MNAT1: variants seen among roughly 807,000 people sequenced by gnomAD.
The protein encoded by MNAT1 is MNAT1 component of CDK activating kinase, also known as CDK-activating kinase assembly factor MAT1.
Under a neutral mutation model 42.0 loss-of-function variants are expected in MNAT1, and 43 were observed. The ratio of observed to expected loss-of-function variants is 1.02; its 90% CI spans 0.80 to 1.32. The LOEUF is 1.32. Ranked by LOEUF, MNAT1 falls within the 40% of genes most tolerant of loss-of-function variation. The pLI, the probability that MNAT1 is intolerant of heterozygous loss-of-function variation, is 0.00. For synonymous variants in MNAT1, 118 were observed against 120.0 expected (o/e 0.98, Z 0.11); for missense variants, 306 against 350.4 (o/e 0.87, Z 1.01).
chr14:60,910,910 T>G (rs1455026389), intron 7 of MNAT1, among the ~76,000 whole-genome samples: 8 of 152,210 alleles, frequency 5.3e-5, no homozygotes, highest in African/African-American at 1.7e-4. Flanking sequence ...TACCAGCTCC[T>G]CCTTGTACCT....
At chr14:60,779,641 C>T (rs1429916391) in intron 1 of MNAT1, among the ~76,000 whole-genome samples, 1 of 152,006 alleles carries the variant, frequency 6.6e-6, no homozygotes, top group African/African-American at 2.4e-5. Flanking sequence ...AAAAAATTAG[C>T]TGGGTGTGGT....
At chr14:60,930,144 A>G (rs1367883093) in intron 7 of MNAT1, among the ~76,000 whole-genome samples, 1 of 151,244 alleles carries the variant, frequency 6.6e-6, no homozygotes, top group Non-Finnish European at 1.5e-5. Flanking sequence ...TCAATTCCAG[A>G]GTATTTGCTT....
chr14:60,935,269 CT>C (rs1008098833), intron 7 of MNAT1, among the ~76,000 whole-genome samples: 6 of 151,872 alleles, frequency 4.0e-5, no homozygotes, highest in African/African-American at 9.7e-5. Context: ...CTCCCCCTCT[CT>C]TTTTTTTCTT....
intron 7 of MNAT1, among the ~76,000 whole-genome samples, chr14:60,964,038 A>G (rs1196083277): frequency 6.6e-6 from 1 of 152,186 alleles, no homozygotes; most frequent in Admixed American, 6.5e-5. Flanking sequence ...CAGATGGTCA[A>G]TATAGTGCTT....
At chr14:60,910,154 T>C (rs2035314643) in intron 7 of MNAT1, among the ~76,000 whole-genome samples, 1 of 152,234 alleles carries the variant, frequency 6.6e-6, no homozygotes, top group Non-Finnish European at 1.5e-5. Context: ...AGAATGCTTG[T>C]GATTTTTGTA....
rs368637896 is a variant in MNAT1, at chr14:60,868,032, A to G, written c.688-11682A>G. On this transcript the variant is annotated intron_variant, in intron 6 of 7. Coordinates refer to ENST00000261245, the MANE Select transcript of MNAT1 (RefSeq NM_002431.4). ...ATCACCCTATAATGACCAGAACAGC[A>G]TAGTATAAAAATCTCTCTGCTTGCT... is the stretch of plus-strand genomic sequence containing the variant. Among the ~76,000 whole-genome samples, 19 of 152,254 alleles carry G rather than the reference A, an allele frequency of 1.2e-4. No individual in the cohort carries two copies. In the East Asian group the frequency reaches 1.7e-3, roughly 14 times the overall value.
chr14:60,793,743 A>T (rs900184819), intron 1 of MNAT1, among the ~76,000 whole-genome samples: 4 of 152,242 alleles, frequency 2.6e-5, no homozygotes, highest in Admixed American at 2.6e-4. Flanking sequence ...GTGGCCACAC[A>T]AACACTAAAC....
chr14:60,799,154 C>A, intron 3 of MNAT1: 1 of 712,510 alleles, frequency 1.4e-6, no homozygotes, highest in Non-Finnish European at 1.7e-6. Flanking sequence ...ATAGCAAAAG[C>A]ATGTGGAAAA....
intron 7 of MNAT1, among the ~76,000 whole-genome samples, chr14:60,914,614 G>A (rs976268640): frequency 3.3e-5 from 5 of 151,942 alleles, no homozygotes; most frequent in African/African-American, 1.2e-4. Flanking sequence ...GCCTAATAGA[G>A]TCCACTCTGG....
intron 7 of MNAT1, among the ~76,000 whole-genome samples, chr14:60,886,257 A>T (rs2034667979): frequency 6.6e-6 from 1 of 151,906 alleles, no homozygotes; most frequent in Non-Finnish European, 1.5e-5. Flanking sequence ...TGTGAACTTT[A>T]TAATTTTTTT....
intron 1 of MNAT1, among the ~76,000 whole-genome samples, chr14:60,758,532 C>T (rs1006415524): frequency 5.3e-5 from 8 of 151,764 alleles, no homozygotes; most frequent in Non-Finnish European, 1.2e-4. Flanking sequence ...GTCTCCTGGC[C>T]GAGGACTGCT....
At position 60,969,948 on chromosome 14, in the gene MNAT1, C is replaced by G. The variant is rs537988666; in HGVS notation, c.*1599C>G. ...CTGGTTTGGCAAATAAATTCCAAAA[C>G]CTTTATACATTTGTAAATATTTTGT... On this transcript the variant is annotated 3_prime_UTR_variant, in exon 8 of 8. Transcript: ENST00000261245. The G allele has an allele frequency of 4.6e-5, 7 of 152,228 alleles. No homozygotes were observed. The South Asian group carries it at 1.5e-3, about 32-fold the overall frequency. The allele number at this position is 152,228 out of a possible 1,614,324, so 9.4% of individuals were successfully genotyped here.
In MNAT1 at chr14:60,778,056, G is replaced by T. The variant is rs897706307; in HGVS notation, c.90-18161G>T. 6.6e-5 allele frequency among the ~76,000 whole-genome samples: 10 copies of T among 152,134 alleles called. 1 individual carries two copies. The highest frequency in any genetic ancestry group is 4.6e-4 in the Admixed American group (7 of 15,274). ...AACTTGGTGATAGTGGGTTTGTTTTGATTCTTTTAAGATTCTGAGTCACTA... is the reference window on the plus strand; with the variant it reads ...AACTTGGTGATAGTGGGTTTGTTTTTATTCTTTTAAGATTCTGAGTCACTA... On this transcript the variant is annotated intron_variant, in intron 1 of 7. Transcript: ENST00000261245.
chr14:60,884,942 T>A (rs889573528), intron 7 of MNAT1, among the ~76,000 whole-genome samples: 19 of 152,028 alleles, frequency 1.2e-4, no homozygotes, highest in African/African-American at 4.6e-4. Flanking sequence ...TGTTTCTCCT[T>A]CATGTTTGCA....
intron 1 of MNAT1, among the ~76,000 whole-genome samples, chr14:60,746,937 C>T (rs1223478815): frequency 0.43 from 7,302 of 17,088 alleles, 1,497 homozygotes; most frequent in Non-Finnish European, 0.6. Context: ...CACACACACA[C>T]ACACACACAC....
rs1236441658 is a variant in MNAT1 at position 60,918,739 on chromosome 14, T to TATATAG, written c.809+38909_809+38910insGATATA. 2.0e-5 allele frequency among the ~76,000 whole-genome samples: 3 copies of TATATAG among 147,234 alleles called. No homozygotes were observed. The Admixed American group carries it at 2.0e-4, about 10-fold the overall frequency. ...TTTAATGACTATCCAGATGAGAATA[T>TATATAG]ATATATATATATATATATTTTTGTC... On this transcript the variant is annotated intron_variant, in intron 7 of 7. Coordinates refer to ENST00000261245, the MANE Select transcript of MNAT1 (RefSeq NM_002431.4).
chr14:60,922,863 A>G (rs1275576096), intron 7 of MNAT1, among the ~76,000 whole-genome samples: 3 of 152,212 alleles, frequency 2.0e-5, no homozygotes, highest in Non-Finnish European at 4.4e-5. Context: ...GAGAAAGTTT[A>G]TAAAGACAAA....
chr14:60,917,839 G>A (rs1008012956), intron 7 of MNAT1, among the ~76,000 whole-genome samples: 2 of 151,932 alleles, frequency 1.3e-5, no homozygotes, highest in African/African-American at 2.4e-5. Context: ...TGTTGGCCAG[G>A]CTGGTCTTGA....
At chr14:60,950,698 T>C (rs2036365191) in intron 7 of MNAT1, among the ~76,000 whole-genome samples, 1 of 152,232 alleles carries the variant, frequency 6.6e-6, no homozygotes, top group African/African-American at 2.4e-5. Context: ...AGCCAAAAGA[T>C]TGGACACCCC....
Sources: allele counts gnomAD v4.1 joint callset (sites outside exome capture counted in the v4.1 genomes callset), GRCh38; gene constraint gnomAD v4.1.1; transcripts MANE v1.5; gene names NCBI Gene and HGNC (gene_info 2026-07-23, HGNC 2026-07-21).